The following ZNF503 variants were observed in gnomAD, a reference collection of about 807,000 sequenced individuals.
The protein encoded by ZNF503 is zinc finger protein 503.
ZNF503 carries 15 observed loss-of-function variants against 34.4 expected under a neutral mutation model. That is an observed-to-expected ratio of 0.44 (90% CI 0.29 to 0.67). ZNF503 has a LOEUF of 0.67. Among genes scored for constraint, ZNF503 ranks in the 30% least tolerant of loss-of-function variants. ZNF503 has a pLI of 0.13. For missense variants in ZNF503, 1,007 were observed against 926.8 expected (o/e 1.09, Z -1.12); for synonymous variants, 580 against 456.8 (o/e 1.27, Z -3.44).
At chr10:75,287,893 C>A in the ZNF503 span, among the ~76,000 whole-genome samples, 47 of 152,324 alleles carry the variant, frequency 3.1e-4, no homozygotes, top group African/African-American at 7.2e-4. Context: ...GTGCTTAACC[C>A]TGGACCATTC....
chr10:75,353,584 G>T, the ZNF503 span, among the ~76,000 whole-genome samples: 7 of 152,324 alleles, frequency 4.6e-5, no homozygotes, highest in East Asian at 9.6e-4. Context: ...TCCCCAAAAA[G>T]CCAGGGCTCG....
At chr10:75,319,760 T>C in the ZNF503 span, among the ~76,000 whole-genome samples, 2 of 152,186 alleles carry the variant, frequency 1.3e-5, no homozygotes, top group African/African-American at 2.4e-5. Flanking sequence ...TCAAATATAA[T>C]GATATAGTCA....
the ZNF503 span, among the ~76,000 whole-genome samples, chr10:75,392,634 G>A: frequency 2.6e-5 from 4 of 152,284 alleles, no homozygotes; most frequent in African/African-American, 9.6e-5. Context: ...TGAGACACGA[G>A]GTAGAGCAGG....
chr10:75,379,228 A>G, the ZNF503 span, among the ~76,000 whole-genome samples: 36 of 152,282 alleles, frequency 2.4e-4, no homozygotes, highest in East Asian at 6.0e-3. Flanking sequence ...CCTGGCGCGG[A>G]GTGAAATGCA....
At chr10:75,392,206 T>G in the ZNF503 span, among the ~76,000 whole-genome samples, 25 of 152,304 alleles carry the variant, frequency 1.6e-4, no homozygotes, top group African/African-American at 5.3e-4. Context: ...TCATGCTACT[T>G]TTTAATATTA....
the ZNF503 span, among the ~76,000 whole-genome samples, chr10:75,313,800 A>G: frequency 6.6e-6 from 1 of 152,250 alleles, no homozygotes; most frequent in Admixed American, 6.5e-5. Flanking sequence ...GAACTTGAGC[A>G]TTTCAGGGCA....
chr10:75,354,914 C>T, the ZNF503 span, among the ~76,000 whole-genome samples: 397 of 152,280 alleles, frequency 2.6e-3, 4 homozygotes, highest in South Asian at 0.024. Context: ...GGCACGATCT[C>T]GGCTCACTGC....
chr10:75,333,130 C>A, the ZNF503 span, among the ~76,000 whole-genome samples: 1 of 134,264 alleles, frequency 7.4e-6, no homozygotes, highest in African/African-American at 2.9e-5. Flanking sequence ...CCCTCCTGGA[C>A]GGGGCGGCTG....
the ZNF503 span, among the ~76,000 whole-genome samples, chr10:75,345,601 C>CT: frequency 7.1e-6 from 1 of 141,524 alleles, no homozygotes; most frequent in East Asian, 2.1e-4. Flanking sequence ...TGCCACTGAA[C>CT]TCCAGCCTGG....
At chr10:75,364,264 C>T in the ZNF503 span, among the ~76,000 whole-genome samples, 2 of 152,112 alleles carry the variant, frequency 1.3e-5, no homozygotes, top group Admixed American at 1.3e-4. Context: ...CAGAGAATTC[C>T]AGCCTCAACA....
At chr10:75,376,265 A>G in the ZNF503 span, among the ~76,000 whole-genome samples, 63 of 152,238 alleles carry the variant, frequency 4.1e-4, no homozygotes, top group South Asian at 6.8e-3. Flanking sequence ...TGGGAGCCCA[A>G]TGTTTCCCAC....
At chr10:75,369,718 T>C in the ZNF503 span, among the ~76,000 whole-genome samples, 1 of 152,152 alleles carries the variant, frequency 6.6e-6, no homozygotes, top group Non-Finnish European at 1.5e-5. Context: ...TTAAAAAGAA[T>C]GAAGCATATT....
chr10:75,308,090 G>A, the ZNF503 span, among the ~76,000 whole-genome samples: 6 of 151,848 alleles, frequency 4.0e-5, no homozygotes, highest in African/African-American at 1.5e-4. Context: ...TTTAAACAAA[G>A]GAGTTATGCT....
chr10:75,389,463 C>T, the ZNF503 span, among the ~76,000 whole-genome samples: 1 of 152,144 alleles, frequency 6.6e-6, no homozygotes, highest in Non-Finnish European at 1.5e-5. Context: ...GGCGCAGTGG[C>T]TCATGTCTGT....
rs1230194366 is a variant in ZNF503, at chr10:75,399,570, A to T, written c.1120T>A (p.Phe374Ile). The T allele has an allele frequency of 1.3e-6, 2 of 1,596,332 alleles. No homozygotes were observed. Among genetic ancestry groups the T allele is most frequent in the Non-Finnish European group, 1.7e-6 (2 of 1,179,072 alleles). The change falls in exon 2 of 2, where the codon TTC (phenylalanine) becomes ATC (isoleucine). Residue 374 changes from phenylalanine (F) to isoleucine (I), a missense_variant. Phe to Ile is a conservative substitution (Grantham distance 21, BLOSUM62 0). Transcript: ENST00000372524. ...AGAYAGYPPQ[F>I]LPHGVALDPT... ...TCAAGTGCCACGCCGTGTGGCAGGA[A>T]CTGGGGCGGGTAGCCGGCGTAGGCC...
chr10:75,386,014 C>T, the ZNF503 span, among the ~76,000 whole-genome samples: 2 of 152,204 alleles, frequency 1.3e-5, no homozygotes, highest in South Asian at 2.1e-4. Context: ...CCTGCCAAAG[C>T]CTGCTCTCCC....
At chr10:75,331,144 T>A in the ZNF503 span, among the ~76,000 whole-genome samples, 1 of 152,246 alleles carries the variant, frequency 6.6e-6, no homozygotes, top group African/African-American at 2.4e-5. Context: ...TTAGTTTTAT[T>A]TCATTGTGGT....
chr10:75,348,953 C>G, the ZNF503 span, among the ~76,000 whole-genome samples: 4 of 151,866 alleles, frequency 2.6e-5, no homozygotes, highest in East Asian at 1.9e-4. Context: ...TAACGTTTTG[C>G]TATATACTCT....
the ZNF503 span, among the ~76,000 whole-genome samples, chr10:75,376,477 C>T: frequency 6.6e-6 from 1 of 152,068 alleles, no homozygotes; most frequent in African/African-American, 2.4e-5. Context: ...AACCCTGTCT[C>T]TACGAAAAAT....
Sources: allele counts gnomAD v4.1 joint callset (sites outside exome capture counted in the v4.1 genomes callset), GRCh38; gene constraint gnomAD v4.1.1; transcripts MANE v1.5; gene names NCBI Gene and HGNC (gene_info 2026-07-23, HGNC 2026-07-21).